YLPM1: variants seen among roughly 807,000 people sequenced by gnomAD.
YLPM1 encodes YLP motif containing 1, also known as YLP motif-containing protein 1.
A neutral mutation model predicts 230.0 loss-of-function variants in YLPM1; 99 were observed. The ratio of observed to expected loss-of-function variants is 0.43; its 90% CI spans 0.37 to 0.51. The LOEUF is 0.51. YLPM1 is among the 20% of genes least tolerant of loss of function. The probability of loss-of-function intolerance (pLI) is 0.00; values close to 1 mark genes in which losing one functional copy is unlikely to be tolerated. For missense variants in YLPM1, 2,592 were observed against 2,707.7 expected (o/e 0.96, Z 0.95); for synonymous variants, 984 against 942.5 (o/e 1.04, Z -0.81).
chr14:74,831,412 T>G (rs2091608054), intron 19 of YLPM1, among the ~76,000 whole-genome samples: 1 of 152,208 alleles, frequency 6.6e-6, no homozygotes, highest in South Asian at 2.1e-4. Context: ...TTACTCCAGT[T>G]TTAAGGCTGG....
At chr14:74,821,181 A>T (rs2091517479) in intron 17 of YLPM1, 44 bp downstream of exon 17, 2 of 1,515,832 alleles carry the variant, frequency 1.3e-6, no homozygotes, top group Non-Finnish European at 1.8e-6. Context: ...TCTTTATTAA[A>T]ATTCTTAAAG....
rs774415794 is a variant in YLPM1 at position 74,809,538 on chromosome 14, A to G, written c.4680A>G (p.Pro1560=). 1.3e-6 allele frequency: 2 copies of G among 1,596,184 alleles called. No homozygotes were observed. Among genetic ancestry groups the G allele is most frequent in the Non-Finnish European group, 1.7e-6 (2 of 1,170,704 alleles). The change falls in exon 7 of 21, where the codon CCA becomes CCG. Residue 1560 remains proline, a synonymous_variant. Transcript: ENST00000325680. ...CTCCACCTCTACCTCCTCCTCCTCCAGTGATAAAGCCACAAACTTCAGCTG... is the reference window on the plus strand; with the variant it reads ...CTCCACCTCTACCTCCTCCTCCTCCGGTGATAAAGCCACAAACTTCAGCTG... ...PPPPPLPPPP[P]VIKPQTSAVE... is the part of the protein sequence containing the mutation.
rs1435112524 is a variant in YLPM1, at chr14:74,835,440, C to T, written c.*29C>T. On this transcript the variant is annotated 3_prime_UTR_variant, in exon 20 of 21. Coordinates refer to ENST00000325680, the MANE Select transcript of YLPM1 (RefSeq NM_019589.3). ...TTAGTTTTTGAACGGAGTCATTATT[C>T]CTCTAAGGTAAGAGTACACAGTCAT... 1.2e-6 allele frequency: 2 copies of T among 1,610,658 alleles called. No individual in the cohort carries two copies. The highest frequency in any genetic ancestry group is 3.3e-5 in the Admixed American group (2 of 59,842).
chr14:74,816,901 T>C (rs774503003), intron 13 of YLPM1, 30 bp from the exon 14 acceptor site: 8 of 1,531,150 alleles, frequency 5.2e-6, no homozygotes, highest in Non-Finnish European at 7.0e-6. Context: ...TTGCTTTTGC[T>C]AATTCCATAT....
intron 1 of YLPM1, among the ~76,000 whole-genome samples, chr14:74,776,052 T>C (rs536247237): frequency 6.6e-6 from 1 of 152,350 alleles, no homozygotes; most frequent in African/African-American, 2.4e-5. Context: ...TTTAGTGTTA[T>C]GATAACTTTT....
rs1158275487 is a variant in YLPM1 at position 74,766,883 on chromosome 14, C to CTT, written c.873+2538_873+2539dup. Reference sequence around the variant, plus strand: ...AAACAAAACAAAACCAAGACCTTTTCTTTTTTTTTTTTTTTTTTGAGATGG... The same window carrying CTT: ...AAACAAAACAAAACCAAGACCTTTTCTTTTTTTTTTTTTTTTTTTTGAGATGG... On this transcript the variant is annotated intron_variant, in intron 1 of 20. Transcript: ENST00000325680. 1.2e-3 allele frequency among the ~76,000 whole-genome samples: 157 copies of CTT among 131,186 alleles called. 1 individual carries two copies. Among genetic ancestry groups the CTT allele is most frequent in the African/African-American group, 3.8e-3 (140 of 36,384 alleles). 86.1% of individuals were successfully genotyped at this position (131,186 alleles called of 152,430 possible).
intron 1 of YLPM1, among the ~76,000 whole-genome samples, chr14:74,765,677 T>C (rs1397522123): frequency 6.6e-6 from 1 of 152,254 alleles, no homozygotes; most frequent in Non-Finnish European, 1.5e-5. Flanking sequence ...ATTCTCACTC[T>C]ACTAGACTGT....
At position 74,783,691 on chromosome 14, in the gene YLPM1, A is replaced by T. The variant is rs577726464; in HGVS notation, c.2282+1366A>T. 7.0e-4 allele frequency among the ~76,000 whole-genome samples: 107 copies of T among 152,270 alleles called. 1 individual carries two copies. Among genetic ancestry groups the T allele is most frequent in the African/African-American group, 2.5e-3 (102 of 41,556 alleles). On this transcript the variant is annotated intron_variant, in intron 4 of 20. Coordinates refer to ENST00000325680, the MANE Select transcript of YLPM1 (RefSeq NM_019589.3). ...CATTTGAAAACAAAATATATCTTTT[A>T]TTCCCCAAGCTTATAATTCTGAAAG...
Position 74,798,794 on chromosome 14 carries a change from G to A in YLPM1, c.3497G>A (p.Arg1166Lys), listed in dbSNP as rs765858360. 2 of 1,613,954 alleles carry A rather than the reference G, an allele frequency of 1.2e-6. No homozygotes were observed. The highest frequency in any genetic ancestry group is 1.1e-5 in the South Asian group (1 of 91,076). Residue 1166 changes from arginine (R) to lysine (K), a missense_variant, in exon 5 of 21, where the codon AGA (arginine) becomes AAA (lysine). By Grantham distance (26) the Arg-to-Lys change is conservative (BLOSUM62 2). Coordinates refer to ENST00000325680, the MANE Select transcript of YLPM1 (RefSeq NM_019589.3). ...GGAAGATCAGATTTTGGTCGTGATA[G>A]AGGTCCATTCAGACCAGAACCAGGA... is the stretch of plus-strand genomic sequence containing the variant. The part of the protein sequence containing the change: ...GLGRSDFGRD[R>K]GPFRPEPGDG...
At chr14:74,794,970 G>C (rs563922001) in intron 4 of YLPM1, among the ~76,000 whole-genome samples, 1 of 152,298 alleles carries the variant, frequency 6.6e-6, no homozygotes, top group Admixed American at 6.5e-5. Flanking sequence ...GGTGACCCAG[G>C]CTTTCATTCT....
intron 4 of YLPM1, among the ~76,000 whole-genome samples, chr14:74,783,656 C>T (rs369477214): frequency 6.6e-6 from 1 of 152,092 alleles, no homozygotes; most frequent in Non-Finnish European, 1.5e-5. Context: ...TTTTTTCAAC[C>T]TCATTTTAAC....
At chr14:74,811,510 G>T in intron 9 of YLPM1, 110 bp from the exon 10 acceptor site, 1 of 716,684 alleles carries the variant, frequency 1.4e-6, no homozygotes, top group Non-Finnish European at 2.3e-6. Context: ...CATTTACTGT[G>T]TGGAGTACCT....
At chr14:74,831,773 T>C (rs997014614) in intron 19 of YLPM1, among the ~76,000 whole-genome samples, 3 of 152,248 alleles carry the variant, frequency 2.0e-5, no homozygotes, top group Non-Finnish European at 4.4e-5. Flanking sequence ...ACATTACTCA[T>C]TCCTTCTTGG....
intron 1 of YLPM1, among the ~76,000 whole-genome samples, chr14:74,765,419 G>A (rs2090902387): frequency 6.6e-6 from 1 of 152,164 alleles, no homozygotes; most frequent in Admixed American, 6.5e-5. Flanking sequence ...AAGAACAGAA[G>A]CAAGTTGTTT....
intron 1 of YLPM1, among the ~76,000 whole-genome samples, chr14:74,769,858 CCCCCG>C (rs1566736167): frequency 8.2e-5 from 8 of 97,776 alleles, no homozygotes; most frequent in African/African-American, 2.9e-4. Flanking sequence ...GACACCCCCC[CCCCCG>C]CCCCCCGCCC....
At chr14:74,833,058 A>G (rs2091619901) in intron 19 of YLPM1, among the ~76,000 whole-genome samples, 1 of 146,374 alleles carries the variant, frequency 6.8e-6, no homozygotes, top group Non-Finnish European at 1.5e-5. Context: ...CTTACCATAT[A>G]AGGGGCAAAC....
Position 74,835,337 on chromosome 14 carries a change from A to T in YLPM1, c.6367A>T (p.Thr2123Ser). 6.2e-7 allele frequency: 1 copy of T among 1,613,802 alleles called. No individual in the cohort carries two copies. The highest frequency in any genetic ancestry group is 1.1e-5 in the South Asian group (1 of 91,080). The change falls in exon 20 of 21, where the codon ACT becomes TCT. Residue 2123 changes from threonine (T) to serine (S), a missense_variant. Physicochemically the swap from Thr to Ser is moderately conservative, Grantham distance 58. Transcript: ENST00000325680. ...KRAIGFVVGQTDWEKITDESG... is the reference protein window; with the variant it reads ...KRAIGFVVGQSDWEKITDESG... ...GGCCATAGGTTTTGTGGTCGGACAG[A>T]CTGATTGGGAGAAGATCACAGATGA...
chr14:74,763,760 G>GT lies in YLPM1; in HGVS notation c.272dup (p.Met92AspfsTer57). The stretch of plus-strand genomic sequence containing the variant: ...TCCGCCCCCTCTGCCGCCCCCGCCA[G>GT]TGATGCCGGGGGGCGGCTACGGAGA... On this transcript the variant is annotated frameshift_variant, in exon 1 of 21. Transcript: ENST00000325680. LOFTEE classifies it high-confidence loss of function. The GT allele has an allele frequency of 6.7e-7, 1 of 1,481,954 alleles. No homozygotes were observed. Among genetic ancestry groups the GT allele is most frequent in the Non-Finnish European group, 9.0e-7 (1 of 1,116,392 alleles). The allele number at this position is 1,481,954 out of a possible 1,614,324, so 91.8% of individuals were successfully genotyped here. A position where few individuals can be genotyped will look rare whatever the true frequency, so the allele number is the denominator to read the frequency against.
At chr14:74,765,978 C>T (rs1478458479) in intron 1 of YLPM1, among the ~76,000 whole-genome samples, 1 of 152,208 alleles carries the variant, frequency 6.6e-6, no homozygotes. Flanking sequence ...ATCCTAACCT[C>T]CTCAACCCTC....
Sources: allele counts gnomAD v4.1 joint callset (sites outside exome capture counted in the v4.1 genomes callset), GRCh38; gene constraint gnomAD v4.1.1; transcripts MANE v1.5; gene names NCBI Gene and HGNC (gene_info 2026-07-23, HGNC 2026-07-21).